The following NBAS variants were observed in gnomAD, a reference collection of about 807,000 sequenced individuals.
NBAS encodes NAG/BC035112 fusion.
A neutral mutation model predicts 302.5 loss-of-function variants in NBAS; 219 were observed. The observed-to-expected ratio is 0.72, with a 90% CI of 0.65 to 0.81. The LOEUF (loss-of-function observed/expected upper bound fraction) is 0.81, where lower values mean the gene tolerates loss of function less well. Among genes scored for constraint, NBAS ranks in the 30% least tolerant of loss-of-function variants. NBAS has a pLI of 0.00. For missense variants in NBAS, 2,932 were observed against 2,841.6 expected, an observed-to-expected ratio of 1.03 and a Z score of -0.72; for synonymous variants, 1,118 against 1,021.6, an observed-to-expected ratio of 1.09 and a Z score of -1.80.
intron 47 of NBAS, among the ~76,000 whole-genome samples, chr2:15,222,874 A>T (rs1264868976): frequency 1.3e-5 from 2 of 152,226 alleles, no homozygotes; most frequent in East Asian, 3.8e-4. Flanking sequence ...ATATTTTTCA[A>T]GTTATTAAAT....
In NBAS at chr2:15,539,173, C is replaced by G. The variant is rs1490525105; in HGVS notation, c.513+50G>C. 5.0e-6 allele frequency: 8 copies of G among 1,608,474 alleles called. No individual in the cohort carries two copies. In the Admixed American group the frequency reaches 8.3e-5, roughly 17 times the overall value. On this transcript the variant is annotated intron_variant, in intron 7 of 51. Transcript: ENST00000281513. ...ACACTCTTTTATTCAAGTACCTATA[C>G]ATACATGACATTGAAAAAACTATGT...
At chr2:15,176,216 C>T (rs1281845240) in intron 51 of NBAS, among the ~76,000 whole-genome samples, 1 of 152,200 alleles carries the variant, frequency 6.6e-6, no homozygotes, top group Non-Finnish European at 1.5e-5. Flanking sequence ...AAAAGTGTAA[C>T]ACAACCCTTT....
the NBAS span, among the ~76,000 whole-genome samples, chr2:15,001,371 T>G: frequency 6.6e-6 from 1 of 152,138 alleles, no homozygotes; most frequent in Non-Finnish European, 1.5e-5. Context: ...CAGCCACACA[T>G]TTGCTTGCTA....
the NBAS span, among the ~76,000 whole-genome samples, chr2:15,098,711 TTATATTATATATATTATATATTAGG>T: frequency 1.4e-5 from 2 of 139,260 alleles, no homozygotes; most frequent in Admixed American, 1.6e-4. Flanking sequence ...ATTATATACA[TTATATTATATATATTATATATTAGG>T]AGTCAACAAA....
intron 2 of NBAS, among the ~76,000 whole-genome samples, chr2:15,557,029 T>G (rs1664677622): frequency 6.6e-6 from 1 of 152,174 alleles, no homozygotes; most frequent in Admixed American, 6.5e-5. Context: ...TCCATGTTTG[T>G]GTGTTATTCA....
chr2:15,126,135 C>A, the NBAS span, among the ~76,000 whole-genome samples: 1 of 152,018 alleles, frequency 6.6e-6, no homozygotes, highest in African/African-American at 2.4e-5. Context: ...AGTTCTCACT[C>A]CGAGTTTATG....
intron 6 of NBAS, among the ~76,000 whole-genome samples, chr2:15,541,545 G>C (rs1235677738): frequency 6.6e-6 from 1 of 152,030 alleles, no homozygotes; most frequent in Admixed American, 6.5e-5. Context: ...TCTTCATTTT[G>C]ATTATTTATC....
intron 9 of NBAS, among the ~76,000 whole-genome samples, chr2:15,521,016 A>G (rs1662645147): frequency 6.6e-6 from 1 of 152,262 alleles, no homozygotes; most frequent in African/African-American, 2.4e-5. Flanking sequence ...TATAAAGTTA[A>G]TTTCATCTAT....
chr2:15,393,569 C>T, intron 28 of NBAS: 1 of 402,900 alleles, frequency 2.5e-6, no homozygotes, highest in South Asian at 2.0e-5. Flanking sequence ...ATTCACTTAC[C>T]AAATGATCCT....
At chr2:15,480,129 C>T (rs921784062) in intron 12 of NBAS, among the ~76,000 whole-genome samples, 1 of 152,084 alleles carries the variant, frequency 6.6e-6, no homozygotes, top group Non-Finnish European at 1.5e-5. Flanking sequence ...CTGCTTGAGG[C>T]TAGCAGTTTG....
chr2:15,319,922 C>T (rs567289183), intron 38 of NBAS, among the ~76,000 whole-genome samples: 1 of 152,188 alleles, frequency 6.6e-6, no homozygotes, highest in African/African-American at 2.4e-5. Flanking sequence ...CATACCAAAG[C>T]CTGGCAGAGA....
Position 15,527,681 on chromosome 2 carries a change from A to G in NBAS, c.746+6862T>C, listed in dbSNP as rs116655135. Among the ~76,000 whole-genome samples, 717 of 152,328 alleles carry G rather than the reference A, an allele frequency of 4.7e-3. 8 individuals carry two copies. Among genetic ancestry groups the G allele is most frequent in the African/African-American group, 0.016 (645 of 41,572 alleles). On this transcript the variant is annotated intron_variant, in intron 9 of 51. Transcript: ENST00000281513. ...CTTAATGCCGTCGCATTGGCCATTA[A>G]GTTTTAATACATGGATTTTGGAGGG...
intron 30 of NBAS, among the ~76,000 whole-genome samples, chr2:15,377,971 T>C (rs1211117995): frequency 1.3e-5 from 2 of 152,182 alleles, no homozygotes; most frequent in Non-Finnish European, 2.9e-5. Context: ...TATAGACTGT[T>C]AACCAGAAAA....
At chr2:15,046,464 AAC>A in the NBAS span, among the ~76,000 whole-genome samples, 4 of 152,190 alleles carry the variant, frequency 2.6e-5, no homozygotes, top group African/African-American at 9.6e-5. Flanking sequence ...AGACCCAACA[AAC>A]ACAAACTTTG....
chr2:15,499,924 A>T (rs1393044536), intron 11 of NBAS, among the ~76,000 whole-genome samples: 2 of 150,404 alleles, frequency 1.3e-5, no homozygotes, highest in Non-Finnish European at 3.0e-5. Context: ...GATAGCAAAG[A>T]GTATCACTAG....
intron 47 of NBAS, among the ~76,000 whole-genome samples, chr2:15,221,495 A>T (rs1488505565): frequency 6.6e-6 from 1 of 152,208 alleles, no homozygotes; most frequent in African/African-American, 2.4e-5. Flanking sequence ...GATAAAAAAA[A>T]ATTATATGGT....
chr2:14,897,342 T>C, the NBAS span, among the ~76,000 whole-genome samples: 1 of 152,210 alleles, frequency 6.6e-6, no homozygotes. Flanking sequence ...GATAAATTAT[T>C]TAAATATCCA....
intron 26 of NBAS, among the ~76,000 whole-genome samples, chr2:15,398,319 T>C (rs1449571259): frequency 6.6e-6 from 1 of 152,060 alleles, no homozygotes; most frequent in African/African-American, 2.4e-5. Context: ...AATTTTTAAA[T>C]TTTTTTGTAG....
chr2:15,524,228 T>C (rs1662812813), intron 9 of NBAS, among the ~76,000 whole-genome samples: 1 of 152,208 alleles, frequency 6.6e-6, no homozygotes, highest in African/African-American at 2.4e-5. Flanking sequence ...TGCTGCCCTA[T>C]TCGGGAGACA....
Sources: allele counts gnomAD v4.1 joint callset (sites outside exome capture counted in the v4.1 genomes callset), GRCh38; gene constraint gnomAD v4.1.1; transcripts MANE v1.5; gene names NCBI Gene and HGNC (gene_info 2026-07-23, HGNC 2026-07-21).